FAM110B: variants seen among roughly 807,000 people sequenced by gnomAD.
FAM110B encodes the protein protein FAM110B.
Under a neutral mutation model 20.4 loss-of-function variants are expected in FAM110B, and 6 were observed. That is an observed-to-expected ratio of 0.29 (90% CI 0.16 to 0.58). The LOEUF is 0.58. Ranked by LOEUF, FAM110B falls within the 20% of genes least tolerant of loss-of-function variation. The probability of loss-of-function intolerance (pLI) is 0.90; values close to 1 mark genes in which losing one functional copy is unlikely to be tolerated. For missense variants in FAM110B, 434 were observed against 498.2 expected (o/e 0.87, Z 1.23); for synonymous variants, 226 against 214.1 (o/e 1.06, Z -0.49).
intron 3 of FAM110B, among the ~76,000 whole-genome samples, chr8:58,095,085 C>A (rs999270647): frequency 6.6e-6 from 1 of 152,040 alleles, no homozygotes; most frequent in Non-Finnish European, 1.5e-5. Flanking sequence ...TTTGTGGGAT[C>A]GGTGGTGATA....
rs148754103 is a variant in FAM110B at position 58,025,987 on chromosome 8, G to T, written c.-511-5619G>T. On this transcript the variant is annotated intron_variant, in intron 1 of 3. Coordinates refer to ENST00000519262, the MANE Select transcript of FAM110B (RefSeq NM_001377989.1). ...TTTCCAGACTCATGCATCATCTTAG[G>T]GACTTAGTAGTGGGGGTTAGCAACA... Among the ~76,000 whole-genome samples the T allele has an allele frequency of 1.4e-3, 210 of 152,274 alleles. 3 individuals are homozygous for T. Among genetic ancestry groups the T allele is most frequent in the African/African-American group, 4.9e-3 (203 of 41,548 alleles).
chr8:58,108,452 T>C (rs1425300347), intron 3 of FAM110B, among the ~76,000 whole-genome samples: 1 of 152,188 alleles, frequency 6.6e-6, no homozygotes, highest in Non-Finnish European at 1.5e-5. Context: ...TCACTTCAGA[T>C]CTGACCTGAA....
intron 3 of FAM110B, among the ~76,000 whole-genome samples, chr8:58,110,345 C>T (rs1027797810): frequency 3.3e-5 from 5 of 151,950 alleles, no homozygotes; most frequent in Non-Finnish European, 7.4e-5. Context: ...AAAGAATTTA[C>T]TTAGGATGTT....
At position 58,146,471 on chromosome 8, in the gene FAM110B, G is replaced by A. The variant is rs865938034; in HGVS notation, c.241G>A (p.Ala81Thr). Reference sequence around the variant, plus strand: ...GGAGCCCGTGAAGCCCGCCGTGCTGGCCAAGCCCCCGGTGTGCCCGGCTGC... The same window carrying A: ...GGAGCCCGTGAAGCCCGCCGTGCTGACCAAGCCCCCGGTGTGCCCGGCTGC... ...KQEPVKPAVL[A>T]KPPVCPAAKR... Residue 81 changes from alanine to threonine, a missense_variant, in exon 4 of 4, where the codon GCC becomes ACC. This residue lies in a region of FAM110B where 284 missense variants were observed against 278.3 expected (regional missense o/e 1.02). Coordinates refer to ENST00000519262, the MANE Select transcript of FAM110B (RefSeq NM_001377989.1). The A allele has an allele frequency of 6.2e-7, 1 of 1,613,540 alleles. No homozygotes were observed. Among genetic ancestry groups the A allele is most frequent in the South Asian group, 1.1e-5 (1 of 91,026 alleles).
chr8:58,138,209 G>A (rs1399498671), intron 3 of FAM110B, among the ~76,000 whole-genome samples: 1 of 152,202 alleles, frequency 6.6e-6, no homozygotes, highest in Non-Finnish European at 1.5e-5. Context: ...GGAGCTTTTG[G>A]GTTCCGTGGA....
intron 3 of FAM110B, among the ~76,000 whole-genome samples, chr8:58,114,054 C>T (rs1807133178): frequency 6.6e-6 from 1 of 152,180 alleles, no homozygotes; most frequent in Non-Finnish European, 1.5e-5. Context: ...TTTGCTCTAG[C>T]TTAACCTCTG....
In FAM110B at chr8:58,146,220, G is replaced by T; in HGVS notation, c.-11G>T. On this transcript the variant is annotated 5_prime_UTR_variant, in exon 4 of 4. Coordinates refer to ENST00000519262, the MANE Select transcript of FAM110B (RefSeq NM_001377989.1). ...GCATCCAACACGGCTGCCGGGGAAAGACCGCCCACCATGCCCACGGAGACC... is the reference window on the plus strand; with the variant it reads ...GCATCCAACACGGCTGCCGGGGAAATACCGCCCACCATGCCCACGGAGACC... The T allele has an allele frequency of 6.3e-7, 1 of 1,581,210 alleles. No homozygotes were observed. Among genetic ancestry groups the T allele is most frequent in the South Asian group, 1.1e-5 (1 of 87,424 alleles).
intron 3 of FAM110B, among the ~76,000 whole-genome samples, chr8:58,108,195 C>A (rs1806968488): frequency 6.6e-6 from 1 of 152,154 alleles, no homozygotes; most frequent in South Asian, 2.1e-4. Flanking sequence ...GTGAAGATTA[C>A]TATAAGGAAT....
intron 2 of FAM110B, among the ~76,000 whole-genome samples, chr8:58,045,502 C>T (rs984258000): frequency 5.3e-5 from 8 of 152,146 alleles, no homozygotes; most frequent in African/African-American, 1.9e-4. Context: ...AACAGCTTTA[C>T]TATATGTGAT....
intron 3 of FAM110B, chr8:58,098,890 A>G (rs1019819804): frequency 2.0e-5 from 3 of 152,260 alleles, no homozygotes; most frequent in Admixed American, 1.3e-4. Flanking sequence ...GAGATGAGCT[A>G]GGTACCTCAG....
chr8:58,071,782 G>A (rs936950411), intron 2 of FAM110B, among the ~76,000 whole-genome samples: 6 of 152,216 alleles, frequency 3.9e-5, no homozygotes, highest in African/African-American at 1.4e-4. Flanking sequence ...GTTGTTGCTT[G>A]TAATACAGTG....
At chr8:58,101,444 C>T (rs1449918424) in intron 3 of FAM110B, among the ~76,000 whole-genome samples, 1 of 152,152 alleles carries the variant, frequency 6.6e-6, no homozygotes, top group African/African-American at 2.4e-5. Flanking sequence ...ATAAATTAAT[C>T]GTTTTTAAAC....
At chr8:58,059,186 C>G (rs544168872) in intron 2 of FAM110B, among the ~76,000 whole-genome samples, 2 of 152,246 alleles carry the variant, frequency 1.3e-5, no homozygotes, top group South Asian at 4.1e-4. Flanking sequence ...ATCTGTTCTT[C>G]TGTGAATGGA....
At chr8:58,099,670 A>G (rs2150609803) in intron 3 of FAM110B, among the ~76,000 whole-genome samples, 1 of 152,262 alleles carries the variant, frequency 6.6e-6, no homozygotes, top group Non-Finnish European at 1.5e-5. Flanking sequence ...GTTATTTCAT[A>G]CCAATGTTAA....
Position 58,093,224 on chromosome 8 carries a change from C to A in FAM110B, c.-325+17601C>A, listed in dbSNP as rs533284379. Among the ~76,000 whole-genome samples, 342 of 152,156 alleles carry A rather than the reference C, an allele frequency of 2.2e-3. 1 individual carries two copies. Among genetic ancestry groups the A allele is most frequent in the Non-Finnish European group, 4.1e-3 (280 of 67,984 alleles). On this transcript the variant is annotated intron_variant, in intron 3 of 3. Coordinates refer to ENST00000519262, the MANE Select transcript of FAM110B (RefSeq NM_001377989.1). ...TGCCTGTTTACTCTGATGATAGTTT[C>A]TTTTGCTATGCAGAAGCTCTTTAGT...
chr8:58,015,362 A>G (rs574880741), intron 1 of FAM110B, among the ~76,000 whole-genome samples: 1 of 151,986 alleles, frequency 6.6e-6, no homozygotes, highest in Admixed American at 6.6e-5. Flanking sequence ...GTCTCAAAAA[A>G]AAAAGACATT....
At chr8:58,005,358 A>G (rs1030711147) in intron 1 of FAM110B, among the ~76,000 whole-genome samples, 6 of 152,218 alleles carry the variant, frequency 3.9e-5, no homozygotes, top group Non-Finnish European at 2.9e-5. Flanking sequence ...CAATGGTAAC[A>G]TTGAAGATCC....
intron 3 of FAM110B, among the ~76,000 whole-genome samples, chr8:58,092,157 TA>T (rs1352428433): frequency 1.3e-5 from 2 of 152,190 alleles, no homozygotes; most frequent in African/African-American, 4.8e-5. Context: ...TGGAGGAAAA[TA>T]ATTTTATTTA....
At chr8:58,091,018 G>T (rs934466031) in intron 3 of FAM110B, among the ~76,000 whole-genome samples, 1 of 152,116 alleles carries the variant, frequency 6.6e-6, no homozygotes. Flanking sequence ...CAGCCCCTTG[G>T]TCTAGATGAG....
Sources: allele counts gnomAD v4.1 joint callset (sites outside exome capture counted in the v4.1 genomes callset), GRCh38; gene constraint gnomAD v4.1.1; regional missense constraint gnomAD v4.1.1; transcripts MANE v1.5; gene names NCBI Gene and HGNC (gene_info 2026-07-23, HGNC 2026-07-21).